Variants in FBXL4 observed in about 807,000 individuals in gnomAD.
FBXL4 encodes the protein F-box/LRR-repeat protein 4.
FBXL4 carries 40 observed loss-of-function variants against 58.9 expected under a neutral mutation model. The observed-to-expected ratio is 0.68, with a 90% confidence interval of 0.53 to 0.88. FBXL4 has a LOEUF of 0.88. Ranked by LOEUF, FBXL4 falls within the 40% of genes least tolerant of loss-of-function variation. The pLI is 0.00. For missense variants in FBXL4, 676 were observed against 734.4 expected (o/e 0.92, Z 0.92); for synonymous variants, 263 against 265.5 (o/e 0.99, Z 0.09).
Position 98,899,282 on chromosome 6 carries a change from G to A in FBXL4, c.1303C>T (p.Arg435Ter), listed in dbSNP as rs201889294. The part of the protein sequence containing the change: ...LCSLKRLVLY[R>*]TKVEQTALLS... The stretch of plus-strand genomic sequence containing the variant: ...ATTACTCTCACCTCTACTTTTGTTC[G>A]ATAGAGAACAAGTCGTTTAAGGCTG... The change falls in exon 7 of 10, where the codon CGA (arginine) becomes TGA (stop). Residue 435 changes from arginine (R) to a stop codon, truncating the protein, a stop_gained. Transcript: ENST00000369244. LOFTEE classifies it high-confidence loss of function. 2.4e-5 allele frequency: 39 copies of A among 1,613,652 alleles called. No homozygotes were observed. Among genetic ancestry groups the A allele is most frequent in the East Asian group, 4.5e-5 (2 of 44,864 alleles).
rs1770502965 is a variant in FBXL4, at chr6:98,872,027, T to C, written c.*2251A>G. On this transcript the variant is annotated 3_prime_UTR_variant, in exon 10 of 10. Transcript: ENST00000369244. ...TGTTTACAAGCAAAACATAAGTCATTTTGATGACAACATTGTTTGAATTAC... is the reference window on the plus strand; with the variant it reads ...TGTTTACAAGCAAAACATAAGTCATCTTGATGACAACATTGTTTGAATTAC... The C allele has an allele frequency of 6.6e-6, 1 of 152,218 alleles. No homozygotes were observed. Among genetic ancestry groups the C allele is most frequent in the African/African-American group, 2.4e-5 (1 of 41,458 alleles). The allele number at this position is 152,218 out of a possible 1,614,324, so 9.4% of individuals were successfully genotyped here.
At chr6:98,914,887 T>C (rs1772271784) in intron 5 of FBXL4, among the ~76,000 whole-genome samples, 1 of 152,188 alleles carries the variant, frequency 6.6e-6, no homozygotes, top group Non-Finnish European at 1.5e-5. Context: ...TTGTCCCTGT[T>C]TGCACACAAC....
At chr6:98,892,370 G>C (rs1410401726) in intron 7 of FBXL4, among the ~76,000 whole-genome samples, 1 of 152,102 alleles carries the variant, frequency 6.6e-6, no homozygotes, top group African/African-American at 2.4e-5. Context: ...TACCAGCACT[G>C]GCTCTGTAAG....
At chr6:98,877,806 A>G (rs1770708717) in intron 8 of FBXL4, among the ~76,000 whole-genome samples, 1 of 152,192 alleles carries the variant, frequency 6.6e-6, no homozygotes, top group African/African-American at 2.4e-5. Flanking sequence ...AATTACTTCA[A>G]TCAGCATTAT....
Position 98,934,778 on chromosome 6 carries a change from A to C in FBXL4, c.-207T>G, listed in dbSNP as rs1001511655. On this transcript the variant is annotated 5_prime_UTR_variant, in exon 2 of 10. Transcript: ENST00000369244. ...CGTTCTTACCTGAAACATATGGATCAAGAGGAAGACTGGAGACTCCTATCC... is the reference window on the plus strand; with the variant it reads ...CGTTCTTACCTGAAACATATGGATCCAGAGGAAGACTGGAGACTCCTATCC... 6.6e-6 allele frequency: 1 copy of C among 152,222 alleles called. No homozygotes were observed. The highest frequency in any genetic ancestry group is 6.5e-5 in the Admixed American group (1 of 15,284). The allele number at this position is 152,222 out of a possible 1,614,324, so 9.4% of individuals were successfully genotyped here.
chr6:98,891,559 T>A (rs1262784634), intron 7 of FBXL4, among the ~76,000 whole-genome samples: 1 of 151,974 alleles, frequency 6.6e-6, no homozygotes, highest in Non-Finnish European at 1.5e-5. Flanking sequence ...TCAATTTGCA[T>A]AACAACCTAC....
chr6:98,915,338 A>C (rs541839126), intron 5 of FBXL4, among the ~76,000 whole-genome samples: 5 of 152,050 alleles, frequency 3.3e-5, no homozygotes, highest in South Asian at 2.1e-4. Context: ...TCATATGGAA[A>C]CAAAAAAGAG....
intron 1 of FBXL4, among the ~76,000 whole-genome samples, chr6:98,935,719 G>A (rs1773190077): frequency 6.8e-6 from 1 of 147,744 alleles, no homozygotes; most frequent in African/African-American, 2.5e-5. Flanking sequence ...AACCCGGGAA[G>A]CGGAGCTTGC....
chr6:98,909,402 T>C (rs1453168685), intron 5 of FBXL4, among the ~76,000 whole-genome samples: 1 of 152,066 alleles, frequency 6.6e-6, no homozygotes, highest in Admixed American at 6.5e-5. Flanking sequence ...CCCTATCAAA[T>C]CCTATGCTTT....
intron 1 of FBXL4, among the ~76,000 whole-genome samples, chr6:98,942,529 C>A (rs768773511): frequency 6.6e-6 from 1 of 151,958 alleles, no homozygotes; most frequent in Non-Finnish European, 1.5e-5. Flanking sequence ...AAGCATATAG[C>A]GCATCCCCCA....
intron 8 of FBXL4, among the ~76,000 whole-genome samples, chr6:98,877,602 T>C (rs1224828156): frequency 6.6e-6 from 1 of 152,218 alleles, no homozygotes; most frequent in African/African-American, 2.4e-5. Flanking sequence ...TTAGATATTA[T>C]GCAGGACTCT....
Position 98,927,070 on chromosome 6 carries a change from T to C in FBXL4, c.-72-10A>G. The C allele has an allele frequency of 7.3e-7, 1 of 1,378,506 alleles. No homozygotes were observed. The highest frequency in any genetic ancestry group is 9.9e-7 in the Non-Finnish European group (1 of 1,006,962). 85.4% of individuals were successfully genotyped at this position (1,378,506 alleles called of 1,614,324 possible). The stretch of plus-strand genomic sequence containing the variant: ...CTCTTTGAAGGATGTTCTAAAAAAA[T>C]GAATGGCTTGGTGAAGTAAAATAAT... On this transcript the variant is annotated splice_polypyrimidine_tract_variant and intron_variant, in intron 3 of 9. Transcript: ENST00000369244.
At chr6:98,891,322 C>T (rs908612397) in intron 7 of FBXL4, among the ~76,000 whole-genome samples, 13 of 152,104 alleles carry the variant, frequency 8.5e-5, no homozygotes, top group African/African-American at 3.1e-4. Flanking sequence ...TACCCTAGAC[C>T]ACAGACTCAG....
At chr6:98,924,132 T>C (rs1772685677) in intron 4 of FBXL4, among the ~76,000 whole-genome samples, 1 of 152,222 alleles carries the variant, frequency 6.6e-6, no homozygotes, top group Non-Finnish European at 1.5e-5. Context: ...TATGCAGCTG[T>C]TAAGTTTTAG....
intron 5 of FBXL4, among the ~76,000 whole-genome samples, chr6:98,914,405 C>T (rs1231152951): frequency 1.3e-5 from 2 of 152,000 alleles, no homozygotes; most frequent in East Asian, 1.9e-4. Flanking sequence ...AACATTGATG[C>T]AAAAAAATCC....
At chr6:98,880,501 A>G (rs1770813546) in intron 8 of FBXL4, 52 bp downstream of exon 8, 1 of 1,468,592 alleles carries the variant, frequency 6.8e-7, no homozygotes, top group African/African-American at 1.4e-5. Flanking sequence ...CACCCATAGG[A>G]AGAAAAAGAG....
Position 98,875,486 on chromosome 6 carries a change from C to G in FBXL4, c.1631G>C (p.Arg544Thr). 6.2e-7 allele frequency: 1 copy of G among 1,614,102 alleles called. No individual in the cohort carries two copies. Among genetic ancestry groups the G allele is most frequent in the East Asian group, 2.2e-5 (1 of 44,874 alleles). The change falls in exon 9 of 10, where the codon AGA becomes ACA. Residue 544 changes from arginine (R) to threonine (T), a missense_variant. Physicochemically the swap from Arg to Thr is moderately conservative, Grantham distance 71. Transcript: ENST00000369244. ...NLQKLFLTAN[R>T]SVCDTDIDEL... ...ATCAATGTCTGTGTCACACACAGAT[C>G]TATTAGCTGTAAGAAAGAGTTTTTG...
rs1453278634 is a variant in FBXL4 at position 98,868,708 on chromosome 6, T to C, written c.*5570A>G. The C allele has an allele frequency of 6.6e-6, 1 of 152,222 alleles. No individual in the cohort carries two copies. The highest frequency in any genetic ancestry group is 6.5e-5 in the Admixed American group (1 of 15,280). The allele number at this position is 152,222 out of a possible 1,614,324, so 9.4% of individuals were successfully genotyped here. A position where few individuals can be genotyped will look rare whatever the true frequency, so the allele number is the denominator to read the frequency against. On this transcript the variant is annotated 3_prime_UTR_variant, in exon 10 of 10. Coordinates refer to ENST00000369244, the MANE Select transcript of FBXL4 (RefSeq NM_001278716.2). Reference sequence around the variant, plus strand: ...TTTATCTTTAGTGTATTCTACTCTATTTATCTGATACGACTATTTTGCTTT... The same window carrying C: ...TTTATCTTTAGTGTATTCTACTCTACTTATCTGATACGACTATTTTGCTTT...
chr6:98,935,556 G>A (rs1284848083), intron 1 of FBXL4, among the ~76,000 whole-genome samples: 5 of 151,844 alleles, frequency 3.3e-5, no homozygotes, highest in East Asian at 1.9e-4. Flanking sequence ...TTGGGAGGCC[G>A]AGGCGGGTGG....
Sources: allele counts gnomAD v4.1 joint callset (sites outside exome capture counted in the v4.1 genomes callset), GRCh38; gene constraint gnomAD v4.1.1; transcripts MANE v1.5; gene names NCBI Gene and HGNC (gene_info 2026-07-23, HGNC 2026-07-21).